RREB1: variants seen among roughly 807,000 people sequenced by gnomAD.
The protein encoded by RREB1 is ras responsive element binding protein 1.
A neutral mutation model predicts 117.8 loss-of-function variants in RREB1; 27 were observed. The observed-to-expected ratio is 0.23, with a 90% CI of 0.17 to 0.32. RREB1 has a LOEUF of 0.32. RREB1 is among the 10% of genes least tolerant of loss of function. The pLI, the probability that RREB1 is intolerant of heterozygous loss-of-function variation, is 1.00. For missense variants in RREB1, 2,577 were observed against 2,378.2 expected (o/e 1.08, Z -1.74); for synonymous variants, 1,298 against 1,026.7 (o/e 1.26, Z -5.05).
chr6:7,210,885 C>A lies in RREB1; in HGVS notation c.507C>A (p.Ser169=). Residue 169 remains serine, a synonymous_variant, in exon 7 of 13, where the codon TCC becomes TCA. Coordinates refer to ENST00000379938, the MANE Select transcript of RREB1 (RefSeq NM_001003699.4). ...PPSPLKRRRL[S]SKRKLSHDAE... The stretch of plus-strand genomic sequence containing the variant: ...CTCCTCTGAAACGTAGGCGATTGTC[C>A]TCCAAGAGGAAACTGAGTCACGATG... 1 of 1,614,196 alleles carries A rather than the reference C, an allele frequency of 6.2e-7. No individual in the cohort carries two copies. Among genetic ancestry groups the A allele is most frequent in the Non-Finnish European group, 8.5e-7 (1 of 1,180,010 alleles).
chr6:7,170,487 C>T (rs895799996), intron 1 of RREB1, among the ~76,000 whole-genome samples: 1 of 152,204 alleles, frequency 6.6e-6, no homozygotes, highest in Non-Finnish European at 1.5e-5. Context: ...CCACAACCAC[C>T]TCCAAGGAGC....
chr6:7,214,947 AAAGG>A, intron 8 of RREB1: 1 of 152,382 alleles, frequency 6.6e-6, no homozygotes, highest in Non-Finnish European at 1.5e-5. Flanking sequence ...TCGTAGAACA[AAAGG>A]AAGACACAAA....
chr6:7,181,700 T>G, intron 3 of RREB1, 170 bp from the exon 4 acceptor site: 2 of 647,794 alleles, frequency 3.1e-6, no homozygotes, highest in Non-Finnish European at 5.4e-6. Context: ...AGACTTGGTT[T>G]AAATGAAAGC....
chr6:7,139,848 T>C (rs1347327734), intron 1 of RREB1, among the ~76,000 whole-genome samples: 1 of 152,178 alleles, frequency 6.6e-6, no homozygotes, highest in Non-Finnish European at 1.5e-5. Flanking sequence ...AGAAAAAAAA[T>C]TCCTTCTTGG....
chr6:7,204,171 G>A (rs1234695984), intron 6 of RREB1, among the ~76,000 whole-genome samples: 6 of 152,202 alleles, frequency 3.9e-5, no homozygotes, highest in African/African-American at 1.4e-4. Flanking sequence ...CACACCCTGG[G>A]AGAGCTGGTG....
chr6:7,218,633 C>G (rs190046559), intron 8 of RREB1: 4 of 152,250 alleles, frequency 2.6e-5, no homozygotes, highest in African/African-American at 9.6e-5. Context: ...CTTTTCAGGG[C>G]TGATGCTTTT....
At chr6:7,169,556 C>G (rs930447940) in intron 1 of RREB1, among the ~76,000 whole-genome samples, 4 of 152,198 alleles carry the variant, frequency 2.6e-5, no homozygotes, top group African/African-American at 9.6e-5. Context: ...CTGCTGTGTC[C>G]CCTCCCAGGG....
At chr6:7,146,757 T>C (rs1008818077) in intron 1 of RREB1, among the ~76,000 whole-genome samples, 1 of 151,434 alleles carries the variant, frequency 6.6e-6, no homozygotes, top group Non-Finnish European at 1.5e-5. Flanking sequence ...GTCGTGGCTT[T>C]CTTCTTTCTT....
Position 7,240,418 on chromosome 6 carries a change from T to G in RREB1, c.3809-20T>G. ...TGCAGTAGAAAGCCAGATAAATATA[T>G]ATTTTTTTTCCTGCTTCAGGTCAGA... On this transcript the variant is annotated intron_variant, in intron 10 of 12. Transcript: ENST00000379938. 6.3e-7 allele frequency: 1 copy of G among 1,596,464 alleles called. No individual in the cohort carries two copies. The highest frequency in any genetic ancestry group is 8.6e-7 in the Non-Finnish European group (1 of 1,169,504).
intron 1 of RREB1, among the ~76,000 whole-genome samples, chr6:7,133,892 A>G (rs1247753889): frequency 6.6e-6 from 1 of 152,138 alleles, no homozygotes; most frequent in Non-Finnish European, 1.5e-5. Context: ...CAAAAATGGG[A>G]TTTATTGTGG....
At chr6:7,181,385 T>A (rs1389231154) in intron 3 of RREB1, 139 bp downstream of exon 3, 14 of 401,104 alleles carry the variant, frequency 3.5e-5, no homozygotes, top group African/African-American at 1.6e-4. Context: ...GCTTCTTAAA[T>A]CTCTTATAAA....
intron 6 of RREB1, among the ~76,000 whole-genome samples, chr6:7,192,614 T>C (rs1353741861): frequency 6.6e-6 from 1 of 152,230 alleles, no homozygotes; most frequent in Non-Finnish European, 1.5e-5. Context: ...TTTGTAATCC[T>C]TTTTATTCTG....
At chr6:7,233,884 G>C (rs907876181) in intron 10 of RREB1, among the ~76,000 whole-genome samples, 1 of 152,194 alleles carries the variant, frequency 6.6e-6, no homozygotes, top group African/African-American at 2.4e-5. Context: ...GCCTGGGGAG[G>C]GAGAGGAATC....
At chr6:7,128,767 G>A (rs563006431) in intron 1 of RREB1, among the ~76,000 whole-genome samples, 5 of 152,234 alleles carry the variant, frequency 3.3e-5, no homozygotes, top group South Asian at 2.1e-4. Context: ...TCAGGAGTTC[G>A]AGACCAGCCT....
intron 11 of RREB1, among the ~76,000 whole-genome samples, chr6:7,242,095 A>G (rs1210961171): frequency 6.6e-6 from 1 of 152,198 alleles, no homozygotes; most frequent in Non-Finnish European, 1.5e-5. Flanking sequence ...ATCTTCCCAT[A>G]GTGGTTCCAC....
chr6:7,239,055 T>A (rs1358257477), intron 10 of RREB1, among the ~76,000 whole-genome samples: 1 of 152,248 alleles, frequency 6.6e-6, no homozygotes, highest in Non-Finnish European at 1.5e-5. Flanking sequence ...GTGGCCCCTC[T>A]GGCTGGTCCC....
At chr6:7,193,334 T>G (rs1359538275) in intron 6 of RREB1, among the ~76,000 whole-genome samples, 1 of 152,234 alleles carries the variant, frequency 6.6e-6, no homozygotes, top group East Asian at 1.9e-4. Context: ...TCTGTAGATT[T>G]GCTGTTGGGT....
At chr6:7,137,987 C>T (rs1209927007) in intron 1 of RREB1, among the ~76,000 whole-genome samples, 1 of 152,120 alleles carries the variant, frequency 6.6e-6, no homozygotes, top group Non-Finnish European at 1.5e-5. Context: ...CTCACTTACG[C>T]CTAGTCAGGA....
At position 7,192,116 on chromosome 6, in the gene RREB1, A is replaced by ATTTTTTTTTTTTTTTT. The variant is rs34074532; in HGVS notation, c.425+2806_425+2821dup. ...AAAAGGTATTGGATTTTGTCAGATG[A>ATTTTTTTTTTTTTTTT]TTTTTTTTTTTTTTTTTTTTTTTTT... On this transcript the variant is annotated intron_variant, in intron 6 of 12. Transcript: ENST00000379938. Among the ~76,000 whole-genome samples, 8 of 15,320 alleles carry ATTTTTTTTTTTTTTTT rather than the reference A, an allele frequency of 5.2e-4. 1 individual carries two copies. The highest frequency in any genetic ancestry group is 1.5e-3 in the African/African-American group (5 of 3,352). 10.1% of individuals were successfully genotyped at this position (15,320 alleles called of 152,430 possible).
Sources: allele counts gnomAD v4.1 joint callset (sites outside exome capture counted in the v4.1 genomes callset), GRCh38; gene constraint gnomAD v4.1.1; transcripts MANE v1.5; gene names NCBI Gene and HGNC (gene_info 2026-07-23, HGNC 2026-07-21).